SPOCK3: variants seen among roughly 807,000 people sequenced by gnomAD.
SPOCK3 encodes the protein testican-3.
Under a neutral mutation model 56.6 loss-of-function variants are expected in SPOCK3, and 30 were observed. The ratio of observed to expected loss-of-function variants is 0.53; its 90% CI spans 0.40 to 0.72. SPOCK3 has a LOEUF of 0.72. SPOCK3 is among the 30% of genes least tolerant of loss of function. The pLI is 0.00. For missense variants in SPOCK3, 527 were observed against 530.0 expected (o/e 0.99, Z 0.06); for synonymous variants, 196 against 183.3 (o/e 1.07, Z -0.56).
At chr4:167,149,458 G>T (rs968102392) in intron 2 of SPOCK3, among the ~76,000 whole-genome samples, 38 of 152,152 alleles carry the variant, frequency 2.5e-4, no homozygotes, top group African/African-American at 8.7e-4. Flanking sequence ...GCCAAAAGAA[G>T]TATGCCAATG....
intron 4 of SPOCK3, among the ~76,000 whole-genome samples, chr4:166,977,162 C>T (rs1746039518): frequency 6.6e-6 from 1 of 151,944 alleles, no homozygotes; most frequent in Non-Finnish European, 1.5e-5. Flanking sequence ...AGACACTTTA[C>T]TCAAAATATA....
intron 3 of SPOCK3, among the ~76,000 whole-genome samples, chr4:167,062,246 C>A (rs56355319): frequency 0.021 from 3,209 of 151,790 alleles, 46 homozygotes; most frequent in Non-Finnish European, 0.031. Context: ...GGTTCAGAAG[C>A]CCAAATCAGT....
At chr4:166,852,782 G>T (rs1404811458) in intron 6 of SPOCK3, among the ~76,000 whole-genome samples, 2 of 152,188 alleles carry the variant, frequency 1.3e-5, no homozygotes, top group Non-Finnish European at 2.9e-5. Context: ...GTTAGCAGAG[G>T]TTTTAAAGGA....
intron 3 of SPOCK3, among the ~76,000 whole-genome samples, chr4:167,009,634 A>G (rs1325981008): frequency 6.6e-6 from 1 of 152,090 alleles, no homozygotes; most frequent in African/African-American, 2.4e-5. Flanking sequence ...ATACCAAAAA[A>G]AACAACAACA....
intron 2 of SPOCK3, among the ~76,000 whole-genome samples, chr4:167,084,019 T>G (rs146453376): frequency 7.4e-4 from 113 of 152,262 alleles, no homozygotes; most frequent in African/African-American, 2.6e-3. Flanking sequence ...ATGTAAAATA[T>G]GGAGAATAAT....
intron 4 of SPOCK3, among the ~76,000 whole-genome samples, chr4:166,916,054 T>G (rs907621648): frequency 6.6e-6 from 1 of 152,170 alleles, no homozygotes; most frequent in African/African-American, 2.4e-5. Flanking sequence ...AGTTAAAAAT[T>G]TATTTAGTTT....
At chr4:166,812,053 A>T (rs558685963) in intron 6 of SPOCK3, among the ~76,000 whole-genome samples, 118 of 151,962 alleles carry the variant, frequency 7.8e-4, no homozygotes, top group African/African-American at 2.6e-3. Context: ...ACATTAAAGA[A>T]TCTAGAAATG....
chr4:166,989,413 T>C (rs17052722), intron 4 of SPOCK3, among the ~76,000 whole-genome samples: 4,346 of 152,234 alleles, frequency 0.029, 187 homozygotes, highest in African/African-American at 0.098. Context: ...TAAGCCTTAA[T>C]AACAGGCAAA....
At chr4:167,172,508 C>A (rs1048817424) in intron 2 of SPOCK3, among the ~76,000 whole-genome samples, 1 of 152,088 alleles carries the variant, frequency 6.6e-6, no homozygotes, top group Non-Finnish European at 1.5e-5. Context: ...ATAATTATTT[C>A]TTCCTTTTGA....
chr4:166,783,639 T>G (rs1187458025), intron 7 of SPOCK3, among the ~76,000 whole-genome samples: 1 of 152,140 alleles, frequency 6.6e-6, no homozygotes, highest in Non-Finnish European at 1.5e-5. Flanking sequence ...CATCATAAAA[T>G]TAATGGCTTT....
At chr4:166,799,570 G>A (rs762674827) in intron 6 of SPOCK3, among the ~76,000 whole-genome samples, 29 of 152,080 alleles carry the variant, frequency 1.9e-4, no homozygotes, top group Admixed American at 1.2e-3. Context: ...ATGGCATCAG[G>A]AAGAAGATAC....
At chr4:167,032,434 C>T (rs1001574171) in intron 3 of SPOCK3, among the ~76,000 whole-genome samples, 2 of 151,914 alleles carry the variant, frequency 1.3e-5, no homozygotes, top group Admixed American at 6.6e-5. Flanking sequence ...AAGAGAATGG[C>T]ACATAGGGCT....
At chr4:167,063,338 A>T (rs1386876772) in intron 2 of SPOCK3, among the ~76,000 whole-genome samples, 1 of 151,794 alleles carries the variant, frequency 6.6e-6, no homozygotes, top group Non-Finnish European at 1.5e-5. Context: ...TTAATATCAT[A>T]TTTTATTATA....
intron 8 of SPOCK3, among the ~76,000 whole-genome samples, chr4:166,751,271 T>G (rs1217637381): frequency 6.6e-6 from 1 of 152,182 alleles, no homozygotes; most frequent in Non-Finnish European, 1.5e-5. Flanking sequence ...CACTACACTT[T>G]GACATCTCTT....
chr4:167,006,969 A>G (rs1299669945), intron 3 of SPOCK3, among the ~76,000 whole-genome samples: 1 of 152,150 alleles, frequency 6.6e-6, no homozygotes. Context: ...TCTTTTCTAT[A>G]GAGATTCCTT....
chr4:167,084,282 A>G (rs1580240763), intron 2 of SPOCK3, among the ~76,000 whole-genome samples: 1 of 152,140 alleles, frequency 6.6e-6, no homozygotes, highest in East Asian at 1.9e-4. Flanking sequence ...GTCAACCTCC[A>G]AACAGGAAAT....
intron 2 of SPOCK3, among the ~76,000 whole-genome samples, chr4:167,106,553 T>C (rs1318858045): frequency 6.6e-6 from 1 of 151,258 alleles, no homozygotes; most frequent in Non-Finnish European, 1.5e-5. Flanking sequence ...GTCAAATAAA[T>C]AATGTAATGA....
chr4:166,764,983 G>A (rs1249244754), intron 7 of SPOCK3, among the ~76,000 whole-genome samples: 1 of 152,122 alleles, frequency 6.6e-6, no homozygotes, highest in East Asian at 1.9e-4. Flanking sequence ...CTGCATAAAT[G>A]TCTTCTTTTG....
Position 166,908,225 on chromosome 4 carries a change from T to C in SPOCK3, c.474+4395A>G, listed in dbSNP as rs544007512. On this transcript the variant is annotated intron_variant, in intron 5 of 10. Coordinates refer to ENST00000357545, the MANE Select transcript of SPOCK3 (RefSeq NM_001040159.2). ...AAACTTAAAATAGAAAGTTTTTGAA[T>C]TGTAATAAAAAAATTAGGCCTTCCC... 1.9e-4 allele frequency among the ~76,000 whole-genome samples: 29 copies of C among 151,598 alleles called. No homozygotes were observed. The South Asian group carries it at 6.0e-3, about 32-fold the overall frequency.
Sources: gnomAD v4.1 joint callset for allele counts (sites outside exome capture counted in the v4.1 genomes callset) on GRCh38, gnomAD v4.1.1 for gene constraint, MANE v1.5 for transcripts, NCBI Gene and HGNC (gene_info 2026-07-23, HGNC 2026-07-21) for gene names.